The following PDZRN4 variants were observed in gnomAD, a reference collection of about 807,000 sequenced individuals.
PDZRN4 encodes PDZ domain-containing RING finger protein 4.
In PDZRN4, 70 loss-of-function variants were observed where a neutral mutation model predicts 99.0. That is an observed-to-expected ratio of 0.71 (90% CI 0.58 to 0.86). The LOEUF is 0.86. Among genes scored for constraint, PDZRN4 ranks in the 40% least tolerant of loss-of-function variants. The pLI, the probability that PDZRN4 is intolerant of heterozygous loss-of-function variation, is 0.00. For missense variants in PDZRN4, 1,474 were observed against 1,331.2 expected (o/e 1.11, Z -1.67); for synonymous variants, 551 against 501.6 (o/e 1.10, Z -1.32).
At chr12:41,212,257 A>G (rs1462131480) in intron 3 of PDZRN4, among the ~76,000 whole-genome samples, 9 of 152,096 alleles carry the variant, frequency 5.9e-5, no homozygotes, top group Non-Finnish European at 1.3e-4. Flanking sequence ...ATATTACAAT[A>G]TCAATGCAAT....
intron 3 of PDZRN4, chr12:41,477,837 A>T: frequency 7.0e-7 from 1 of 1,431,388 alleles, no homozygotes; most frequent in Non-Finnish European, 9.5e-7. Context: ...TGAAATGCTT[A>T]TCTTTGGATT....
At chr12:41,565,255 C>A (rs1251441602) in intron 8 of PDZRN4, among the ~76,000 whole-genome samples, 1 of 151,958 alleles carries the variant, frequency 6.6e-6, no homozygotes, top group Non-Finnish European at 1.5e-5. Context: ...AGGATGCTGT[C>A]CTGCCTGTCA....
At chr12:41,234,007 G>A (rs1951048662) in intron 3 of PDZRN4, among the ~76,000 whole-genome samples, 1 of 151,638 alleles carries the variant, frequency 6.6e-6, no homozygotes, top group African/African-American at 2.4e-5. Flanking sequence ...CTCTCTGATT[G>A]GCCCCCGTCA....
At chr12:41,318,491 T>C (rs995063530) in intron 3 of PDZRN4, among the ~76,000 whole-genome samples, 6 of 152,216 alleles carry the variant, frequency 3.9e-5, no homozygotes, top group African/African-American at 1.4e-4. Context: ...AAGTTATTAA[T>C]ACATTGTGGT....
chr12:41,545,915 C>T (rs1166663008), intron 5 of PDZRN4, among the ~76,000 whole-genome samples: 2 of 151,774 alleles, frequency 1.3e-5, no homozygotes, highest in Non-Finnish European at 2.9e-5. Context: ...ACTGGGAGAG[C>T]AGAAAGTTGA....
chr12:41,234,869 G>A (rs764357250), intron 3 of PDZRN4, among the ~76,000 whole-genome samples: 3 of 152,026 alleles, frequency 2.0e-5, no homozygotes, highest in Admixed American at 6.6e-5. Context: ...CAATGAGCAC[G>A]AGTGAATAAA....
At chr12:41,267,300 A>T (rs1327809102) in intron 3 of PDZRN4, among the ~76,000 whole-genome samples, 1 of 152,200 alleles carries the variant, frequency 6.6e-6, no homozygotes, top group Non-Finnish European at 1.5e-5. Context: ...CTAATTGATC[A>T]TTCCTACTGA....
chr12:41,291,930 C>G (rs184786288), intron 3 of PDZRN4, among the ~76,000 whole-genome samples: 15 of 152,136 alleles, frequency 9.9e-5, no homozygotes, highest in Admixed American at 4.6e-4. Flanking sequence ...ACCCTGAGTA[C>G]CAAACTGGGA....
chr12:41,492,516 C>T (rs1038243318), intron 3 of PDZRN4, among the ~76,000 whole-genome samples: 2 of 151,832 alleles, frequency 1.3e-5, no homozygotes, highest in African/African-American at 4.8e-5. Flanking sequence ...TTTAACTTTG[C>T]TTTGTGATTT....
chr12:41,513,345 A>G (rs1371290065), intron 5 of PDZRN4, among the ~76,000 whole-genome samples: 4 of 152,032 alleles, frequency 2.6e-5, no homozygotes, highest in South Asian at 2.1e-4. Context: ...CCTATCACCA[A>G]TTTCCTAAGA....
At chr12:41,385,890 G>A (rs1021517594) in intron 3 of PDZRN4, among the ~76,000 whole-genome samples, 1 of 152,098 alleles carries the variant, frequency 6.6e-6, no homozygotes, top group Non-Finnish European at 1.5e-5. Flanking sequence ...CAATAACCTC[G>A]ATGAACATAC....
intron 3 of PDZRN4, among the ~76,000 whole-genome samples, chr12:41,217,930 A>G (rs1202315559): frequency 6.6e-6 from 1 of 152,068 alleles, no homozygotes; most frequent in African/African-American, 2.4e-5. Flanking sequence ...CTTCCCACAG[A>G]GCACTGCCTT....
At chr12:41,299,996 C>G (rs181925408) in intron 3 of PDZRN4, among the ~76,000 whole-genome samples, 336 of 151,950 alleles carry the variant, frequency 2.2e-3, no homozygotes, top group African/African-American at 7.5e-3. Context: ...ATTTTGATCT[C>G]TGAGTGTCTT....
chr12:41,497,264 T>A (rs993283815), intron 3 of PDZRN4, among the ~76,000 whole-genome samples: 4 of 152,112 alleles, frequency 2.6e-5, no homozygotes, highest in East Asian at 1.9e-4. Context: ...GGATTTTTTT[T>A]AAGAAACCTG....
chr12:41,338,816 C>CA (rs891499595), intron 3 of PDZRN4, among the ~76,000 whole-genome samples: 11 of 151,546 alleles, frequency 7.3e-5, no homozygotes, highest in South Asian at 2.1e-4. Flanking sequence ...TAAACAACAA[C>CA]AACAAAATCT....
chr12:41,445,917 G>T (rs955050495), intron 3 of PDZRN4, among the ~76,000 whole-genome samples: 1 of 152,022 alleles, frequency 6.6e-6, no homozygotes, highest in Non-Finnish European at 1.5e-5. Context: ...ATATCTAAAT[G>T]CAACGTTTCC....
intron 3 of PDZRN4, among the ~76,000 whole-genome samples, chr12:41,232,592 G>A (rs540141464): frequency 6.6e-6 from 1 of 151,916 alleles, no homozygotes; most frequent in Non-Finnish European, 1.5e-5. Flanking sequence ...AGATGAGTAG[G>A]TTGCAAAAAT....
intron 3 of PDZRN4, among the ~76,000 whole-genome samples, chr12:41,435,374 C>G (rs1952619453): frequency 6.6e-6 from 1 of 152,174 alleles, no homozygotes; most frequent in African/African-American, 2.4e-5. Flanking sequence ...TCTTACTTGG[C>G]TTTCATAACC....
chr12:41,573,145 A>C lies in PDZRN4; in HGVS notation c.2366A>C (p.Glu789Ala). ...TQSSSGQSSK[E>A]STSTKAKTTE... ...TCCTCTTCCGGACAGAGCAGTAAAG[A>C]GTCGACCTCCACCAAAGCCAAAACC... The change falls in exon 10 of 10, where the codon GAG becomes GCG. Residue 789 changes from glutamate (E) to alanine (A), a missense_variant. Transcript: ENST00000402685. 2.5e-6 allele frequency: 4 copies of C among 1,614,158 alleles called. No individual in the cohort carries two copies. The highest frequency in any genetic ancestry group is 3.4e-6 in the Non-Finnish European group (4 of 1,180,012).
Sources: allele counts gnomAD v4.1 joint callset (sites outside exome capture counted in the v4.1 genomes callset), GRCh38; gene constraint gnomAD v4.1.1; transcripts MANE v1.5; gene names NCBI Gene and HGNC (gene_info 2026-07-23, HGNC 2026-07-21).